PALD1: variants seen among roughly 807,000 people sequenced by gnomAD.
The protein encoded by PALD1 is phosphatase domain containing paladin 1.
Under a neutral mutation model 96.0 loss-of-function variants are expected in PALD1, and 57 were observed. The ratio of observed to expected loss-of-function variants is 0.59; its 90% CI spans 0.48 to 0.74. PALD1 has a LOEUF of 0.74. Ranked by LOEUF, PALD1 falls within the 30% of genes least tolerant of loss-of-function variation. The pLI, the probability that PALD1 is intolerant of heterozygous loss-of-function variation, is 0.00. For synonymous variants in PALD1, 464 were observed against 473.6 expected (o/e 0.98, Z 0.26); for missense variants, 1,063 against 1,143.7 (o/e 0.93, Z 1.02).
At chr10:70,521,602 G>A (rs192973798) in intron 1 of PALD1, among the ~76,000 whole-genome samples, 312 of 151,794 alleles carry the variant, frequency 2.1e-3, no homozygotes, top group Non-Finnish European at 2.5e-3. Context: ...GCATGATCTC[G>A]GCTCACTGCA....
At chr10:70,510,866 C>T (rs1846502560) in intron 1 of PALD1, among the ~76,000 whole-genome samples, 1 of 152,182 alleles carries the variant, frequency 6.6e-6, no homozygotes, top group Non-Finnish European at 1.5e-5. Context: ...GGGAAAGCTG[C>T]TTCACCATGC....
At chr10:70,491,893 C>G (rs935193593) in intron 1 of PALD1, among the ~76,000 whole-genome samples, 1 of 152,208 alleles carries the variant, frequency 6.6e-6, no homozygotes, top group African/African-American at 2.4e-5. Flanking sequence ...GTGTTCAGGG[C>G]TCATCTGTGT....
At chr10:70,484,912 T>C (rs1845992166) in intron 1 of PALD1, among the ~76,000 whole-genome samples, 2 of 152,254 alleles carry the variant, frequency 1.3e-5, no homozygotes, top group South Asian at 4.1e-4. Context: ...ACACATAGTA[T>C]TGCTAAGCAT....
chr10:70,513,561 A>G (rs1846560704), intron 1 of PALD1, among the ~76,000 whole-genome samples: 1 of 152,170 alleles, frequency 6.6e-6, no homozygotes, highest in Non-Finnish European at 1.5e-5. Context: ...GTCTGCCAAC[A>G]CCAGGTAAGA....
chr10:70,552,765 G>C (rs946204385), intron 18 of PALD1, among the ~76,000 whole-genome samples: 2 of 152,170 alleles, frequency 1.3e-5, no homozygotes, highest in African/African-American at 2.4e-5. Context: ...CAAACATCTG[G>C]TCAATGTTTA....
chr10:70,478,033 G>A (rs1845855594), upstream of PALD1, among the ~76,000 whole-genome samples: 1 of 151,802 alleles, frequency 6.6e-6, no homozygotes, highest in South Asian at 2.1e-4. Flanking sequence ...GCGCGTGTGG[G>A]GTGAGGAGTG....
intron 18 of PALD1, among the ~76,000 whole-genome samples, chr10:70,554,633 T>C (rs1847554146): frequency 6.6e-6 from 1 of 152,034 alleles, no homozygotes; most frequent in South Asian, 2.1e-4. Context: ...AAAATATTTA[T>C]GACAAAAACC....
At chr10:70,562,744 C>T (rs1020372518) in intron 18 of PALD1, among the ~76,000 whole-genome samples, 1 of 152,052 alleles carries the variant, frequency 6.6e-6, no homozygotes, top group African/African-American at 2.4e-5. Flanking sequence ...CCAAACTCCC[C>T]TTCCATAGCG....
chr10:70,529,118 A>C (rs1176400952), intron 2 of PALD1, 111 bp from the exon 3 acceptor site: 2 of 625,126 alleles, frequency 3.2e-6, no homozygotes, highest in African/African-American at 3.6e-5. Flanking sequence ...CTCTGCCACA[A>C]ATCGTAGCCA....
intron 4 of PALD1, among the ~76,000 whole-genome samples, chr10:70,530,404 GC>G (rs1221707712): frequency 3.3e-5 from 5 of 152,328 alleles, no homozygotes; most frequent in African/African-American, 1.2e-4. Flanking sequence ...GGTGATCACA[GC>G]TAACACTTAA....
chr10:70,563,184 C>T (rs930545017), intron 18 of PALD1, among the ~76,000 whole-genome samples: 9 of 152,110 alleles, frequency 5.9e-5, no homozygotes, highest in East Asian at 1.9e-4. Flanking sequence ...GGTTGTGAAC[C>T]GCTGACCTGG....
chr10:70,461,089 C>T, the PALD1 span, among the ~76,000 whole-genome samples: 8 of 152,212 alleles, frequency 5.3e-5, no homozygotes, highest in Non-Finnish European at 1.2e-4. Flanking sequence ...AGCTCCAGAA[C>T]CCCGGCCTGC....
chr10:70,505,949 G>A (rs894988298), intron 1 of PALD1, among the ~76,000 whole-genome samples: 82 of 152,144 alleles, frequency 5.4e-4, no homozygotes, highest in Admixed American at 2.6e-4. Context: ...GCTTGAGCCC[G>A]GGTTGAGGAT....
Position 70,543,040 on chromosome 10 carries a change from T to TG in PALD1, c.2121+1509dup. On this transcript the variant is annotated intron_variant, in intron 17 of 19. Coordinates refer to ENST00000263563, the MANE Select transcript of PALD1 (RefSeq NM_014431.3). Reference sequence around the variant, plus strand: ...CACCCGCCTCGGCCTCCCAAAGTGCTGGGAGCCACTGTGCCCAGCCGTTTT... The same window carrying TG: ...CACCCGCCTCGGCCTCCCAAAGTGCTGGGGAGCCACTGTGCCCAGCCGTTTT... Among the ~76,000 whole-genome samples the TG allele has an allele frequency of 2.0e-5, 3 of 148,732 alleles. No individual in the cohort carries two copies. In the South Asian group the frequency reaches 6.4e-4, roughly 32 times the overall value.
At position 70,529,328 on chromosome 10, in the gene PALD1, G is replaced by A. The variant is rs1275165328; in HGVS notation, c.285G>A (p.Val95=). ...LSDNTPEHYL[V]QGRYFLVRDV... ...ACAACACCCCTGAGCACTACCTGGTGCAAGTGAGCTCAGGCCTTACCCTGC... is the reference window on the plus strand; with the variant it reads ...ACAACACCCCTGAGCACTACCTGGTACAAGTGAGCTCAGGCCTTACCCTGC... Residue 95 remains valine, a synonymous_variant, in exon 3 of 20, where the codon GTG becomes GTA. Coordinates refer to ENST00000263563, the MANE Select transcript of PALD1 (RefSeq NM_014431.3). The A allele has an allele frequency of 6.4e-7, 1 of 1,562,602 alleles. No homozygotes were observed. The highest frequency in any genetic ancestry group is 8.8e-7 in the Non-Finnish European group (1 of 1,138,738).
chr10:70,530,455 C>T (rs1846969525), intron 4 of PALD1, among the ~76,000 whole-genome samples: 1 of 152,242 alleles, frequency 6.6e-6, no homozygotes, highest in East Asian at 1.9e-4. Context: ...CAGTTTGTCT[C>T]CCATTTTGCA....
upstream of PALD1, among the ~76,000 whole-genome samples, chr10:70,478,576 C>G (rs1350423945): frequency 1.3e-5 from 2 of 152,180 alleles, no homozygotes; most frequent in Non-Finnish European, 2.9e-5. Context: ...TTCCTCCTCG[C>G]GGAGGGTGGG....
chr10:70,511,387 C>G (rs1589187346), intron 1 of PALD1, among the ~76,000 whole-genome samples: 1 of 152,140 alleles, frequency 6.6e-6, no homozygotes, highest in African/African-American at 2.4e-5. Flanking sequence ...TTCAAGATGG[C>G]TGTGAAACTT....
In PALD1 at chr10:70,538,926, G is replaced by A. The variant is rs1242278879; in HGVS notation, c.1487G>A (p.Ser496Asn). 6.2e-7 allele frequency: 1 copy of A among 1,613,770 alleles called. No homozygotes were observed. Among genetic ancestry groups the A allele is most frequent in the Non-Finnish European group, 8.5e-7 (1 of 1,179,982 alleles). Residue 496 changes from serine (S) to asparagine (N), a missense_variant, in exon 13 of 20, where the codon AGC becomes AAC. Ser to Asn is a conservative substitution (Grantham distance 46). Coordinates refer to ENST00000263563, the MANE Select transcript of PALD1 (RefSeq NM_014431.3). ...GATCTGGTCTCCCCGGACGCGCTCA[G>A]CACTGTCAGAGAGATGGATGTGGCC... ...EDDLVSPDAL[S>N]TVREMDVANF...
Sources: gnomAD v4.1 joint callset for allele counts (sites outside exome capture counted in the v4.1 genomes callset) on GRCh38, gnomAD v4.1.1 for gene constraint, MANE v1.5 for transcripts, NCBI Gene and HGNC (gene_info 2026-07-23, HGNC 2026-07-21) for gene names.